The following TOPBP1 variants were observed in gnomAD, a reference collection of about 807,000 sequenced individuals.
The protein encoded by TOPBP1 is DNA topoisomerase 2-binding protein 1.
TOPBP1 carries 28 observed loss-of-function variants against 167.7 expected under a neutral mutation model. That is an observed-to-expected ratio of 0.17 (90% CI 0.12 to 0.23). The LOEUF (loss-of-function observed/expected upper bound fraction) is 0.23, where lower values mean the gene tolerates loss of function less well. Ranked by LOEUF, TOPBP1 falls within the 10% of genes least tolerant of loss-of-function variation. The pLI is 1.00. For missense variants in TOPBP1, 1,554 were observed against 1,809.6 expected, an observed-to-expected ratio of 0.86 and a Z score of 2.56; for synonymous variants, 598 against 611.4, an observed-to-expected ratio of 0.98 and a Z score of 0.32.
At chr3:133,638,541 A>C (rs1935757651) in intron 13 of TOPBP1, among the ~76,000 whole-genome samples, 1 of 152,042 alleles carries the variant, frequency 6.6e-6, no homozygotes, top group African/African-American at 2.4e-5. Context: ...GAGTAAAAAG[A>C]AAAATCTCAA....
At chr3:133,653,239 A>G in intron 7 of TOPBP1, 106 bp downstream of exon 7, 1 of 1,123,920 alleles carries the variant, frequency 8.9e-7, no homozygotes, top group Middle Eastern at 2.6e-4. Flanking sequence ...AGCACAGCAA[A>G]CAAGAAAAAG....
chr3:133,611,157 A>C lies in TOPBP1; in HGVS notation c.4036-16T>G, dbSNP rs375014820. The C allele has an allele frequency of 2.5e-6, 4 of 1,605,368 alleles. No individual in the cohort carries two copies. The South Asian group carries it at 4.5e-5, about 18-fold the overall frequency. On this transcript the variant is annotated splice_polypyrimidine_tract_variant and intron_variant, in intron 24 of 27. Coordinates refer to ENST00000260810, the MANE Select transcript of TOPBP1 (RefSeq NM_007027.4). ...AGTCTTCTTCCTAGAGAATTTGTCC[A>C]ACAAACCTGAGTTGTTACAGTCTGG... is the stretch of plus-strand genomic sequence containing the variant.
Position 133,656,848 on chromosome 3 carries a change from G to A in TOPBP1, c.373C>T (p.His125Tyr), listed in dbSNP as rs745384312. ...CCGCCCATCATTTGTACATATTTAT[G>A]AACTTCTTCCTGCAGCCCCAAAAGA... ...SLEKEKREEV[H>Y]KYVQMMGGRV... The change falls in exon 5 of 28, where the codon CAT becomes TAT. Residue 125 changes from histidine (H) to tyrosine (Y), a missense_variant. This residue lies in a region of TOPBP1 where 1,197 missense variants were observed against 1,351.5 expected (regional missense o/e 0.89). Coordinates refer to ENST00000260810, the MANE Select transcript of TOPBP1 (RefSeq NM_007027.4). The A allele has an allele frequency of 1.9e-6, 3 of 1,574,334 alleles. No homozygotes were observed. Among genetic ancestry groups the A allele is most frequent in the South Asian group, 2.4e-5 (2 of 84,344 alleles).
chr3:133,648,524 T>C (rs1936161439), intron 10 of TOPBP1, among the ~76,000 whole-genome samples: 1 of 152,190 alleles, frequency 6.6e-6, no homozygotes, highest in Non-Finnish European at 1.5e-5. Context: ...TAGGCTGGGC[T>C]CAGTGGCTCA....
At chr3:133,607,039 T>A (rs74380588) in intron 27 of TOPBP1, among the ~76,000 whole-genome samples, 3,044 of 152,222 alleles carry the variant, frequency 0.02, 112 homozygotes, top group African/African-American at 0.07. Context: ...CAAATTACAA[T>A]GTGCTCCCAC....
intron 20 of TOPBP1, among the ~76,000 whole-genome samples, chr3:133,618,837 A>G (rs1326462415): frequency 6.6e-6 from 1 of 152,116 alleles, no homozygotes; most frequent in Admixed American, 6.6e-5. Flanking sequence ...CAGTAGTTAT[A>G]TTTTTTAATT....
intron 19 of TOPBP1, among the ~76,000 whole-genome samples, chr3:133,622,795 T>C (rs1351384005): frequency 1.3e-5 from 2 of 152,200 alleles, no homozygotes; most frequent in Non-Finnish European, 2.9e-5. Flanking sequence ...ACTAACTCCA[T>C]AAAAACCTAG....
rs761102868 is a variant in TOPBP1 at position 133,657,926 on chromosome 3, C to T, written c.235G>A (p.Val79Ile). 2.6e-6 allele frequency: 4 copies of T among 1,563,578 alleles called. No individual in the cohort carries two copies. The Admixed American group carries it at 8.5e-5, about 33-fold the overall frequency. Residue 79 changes from valine (V) to isoleucine (I), a missense_variant, in exon 4 of 28, where the codon GTT becomes ATT. Physicochemically the swap from Val to Ile is conservative, Grantham distance 29 (BLOSUM62 3). This residue lies in a region of TOPBP1 where 1,197 missense variants were observed against 1,351.5 expected (regional missense o/e 0.89). Coordinates refer to ENST00000260810, the MANE Select transcript of TOPBP1 (RefSeq NM_007027.4). ...DHLKKLGCRI[V>I]GPQVVIFCMH... is the part of the protein sequence containing the mutation. ...CAAAATATGACTACTTGAGGACCAA[C>T]AATTCTGCAGCCAAGCTACAAAAAA...
chr3:133,618,444 GA>G lies in TOPBP1; in HGVS notation c.3372-12del, dbSNP rs1231039175. 6.2e-7 allele frequency: 1 copy of G among 1,607,086 alleles called. No individual in the cohort carries two copies. The highest frequency in any genetic ancestry group is 1.1e-5 in the South Asian group (1 of 90,860). On this transcript the variant is annotated splice_polypyrimidine_tract_variant and intron_variant, in intron 20 of 27. Coordinates refer to ENST00000260810, the MANE Select transcript of TOPBP1 (RefSeq NM_007027.4). ...GTCTGACGAGACTGCCTAAGGAATA[GA>G]AGTGACAGTTTAAATAAACAGCAAT... is the stretch of plus-strand genomic sequence containing the variant.
In TOPBP1 at chr3:133,637,897, G is replaced by A. The variant is rs1203976605; in HGVS notation, c.2499C>T (p.Phe833=). The change falls in exon 14 of 28, where the codon TTC becomes TTT. Residue 833 remains phenylalanine (F), a synonymous_variant. Transcript: ENST00000260810. ...PSKFLSKDKL[F]KPSFDVKDAL... ...TTACCTTCACATCAAAGGAAGGCTTGAAGAGTTTGTCCTTGGACAGGAATT... is the reference window on the plus strand; with the variant it reads ...TTACCTTCACATCAAAGGAAGGCTTAAAGAGTTTGTCCTTGGACAGGAATT... The A allele has an allele frequency of 6.2e-7, 1 of 1,613,816 alleles. No homozygotes were observed. The highest frequency in any genetic ancestry group is 1.7e-5 in the Admixed American group (1 of 59,980).
chr3:133,644,715 A>C (rs965110479), intron 10 of TOPBP1, among the ~76,000 whole-genome samples: 4 of 152,246 alleles, frequency 2.6e-5, no homozygotes, highest in African/African-American at 9.6e-5. Context: ...ATTAAGAAAA[A>C]AATTAACAAG....
chr3:133,613,633 T>C (rs938620294), intron 23 of TOPBP1, among the ~76,000 whole-genome samples: 5 of 152,104 alleles, frequency 3.3e-5, no homozygotes, highest in Non-Finnish European at 7.4e-5. Context: ...AAGCAATAAT[T>C]GAACCTCTTC....
chr3:133,615,256 G>A (rs1343985241), intron 23 of TOPBP1, among the ~76,000 whole-genome samples: 1 of 152,060 alleles, frequency 6.6e-6, no homozygotes, highest in East Asian at 1.9e-4. Context: ...GATCATCTGA[G>A]GTCAGCAGTT....
In TOPBP1 at chr3:133,624,065, T is replaced by G; in HGVS notation, c.2915A>C (p.His972Pro). 1 of 1,613,164 alleles carries G rather than the reference T, an allele frequency of 6.2e-7. No individual in the cohort carries two copies. The highest frequency in any genetic ancestry group is 1.1e-5 in the South Asian group (1 of 90,896). ...AGCACTGCTTACATCTAAAAGCCAGTGCTCGGAAACAATGTGTACTCCTCT... is the reference window on the plus strand; with the variant it reads ...AGCACTGCTTACATCTAAAAGCCAGGGCTCGGAAACAATGTGTACTCCTCT... ...KERGVHIVSEHWLLDCAQECK... is the reference protein window; with the variant it reads ...KERGVHIVSEPWLLDCAQECK... Residue 972 changes from histidine to proline, a missense_variant, in exon 17 of 28, where the codon CAC becomes CCC. Physicochemically the swap from His to Pro is moderately conservative, Grantham distance 77. Transcript: ENST00000260810.
chr3:133,601,811 T>A (rs1177334213), intron 27 of TOPBP1, among the ~76,000 whole-genome samples: 1 of 152,208 alleles, frequency 6.6e-6, no homozygotes, highest in African/African-American at 2.4e-5. Context: ...GAAATGGATC[T>A]TTTCCTCCTT....
chr3:133,650,307 A>G (rs1425130172), intron 8 of TOPBP1, among the ~76,000 whole-genome samples: 1 of 134,536 alleles, frequency 7.4e-6, no homozygotes, highest in African/African-American at 2.8e-5. Flanking sequence ...TAATTATAAA[A>G]GTAAACTGTA....
chr3:133,653,170 T>A (rs1309142983), intron 7 of TOPBP1, among the ~76,000 whole-genome samples, 175 bp downstream of exon 7: 1 of 152,184 alleles, frequency 6.6e-6, no homozygotes, highest in African/African-American at 2.4e-5. Flanking sequence ...AAAAGAAAAT[T>A]ACGAACAGTT....
chr3:133,614,507 T>C (rs922411486), intron 23 of TOPBP1, among the ~76,000 whole-genome samples: 1 of 152,144 alleles, frequency 6.6e-6, no homozygotes, highest in African/African-American at 2.4e-5. Flanking sequence ...TTATAATGTC[T>C]CTTTGCATTC....
chr3:133,661,362 A>G (rs1173512399), intron 1 of TOPBP1, among the ~76,000 whole-genome samples: 1 of 152,194 alleles, frequency 6.6e-6, no homozygotes, highest in Non-Finnish European at 1.5e-5. Context: ...ATTAACCCGA[A>G]TTGAATACAC....
Sources: allele counts gnomAD v4.1 joint callset (sites outside exome capture counted in the v4.1 genomes callset), GRCh38; gene constraint gnomAD v4.1.1; regional missense constraint gnomAD v4.1.1; transcripts MANE v1.5; gene names NCBI Gene and HGNC (gene_info 2026-07-23, HGNC 2026-07-21).